The following TTC28 variants were observed in gnomAD, a reference collection of about 807,000 sequenced individuals.
The protein encoded by TTC28 is tetratricopeptide repeat domain 28.
A neutral mutation model predicts 198.0 loss-of-function variants in TTC28; 61 were observed. The observed-to-expected ratio is 0.31, with a 90% CI of 0.25 to 0.38. The LOEUF (loss-of-function observed/expected upper bound fraction) is 0.38, where lower values mean the gene tolerates loss of function less well. Ranked by LOEUF, TTC28 falls within the 10% of genes least tolerant of loss-of-function variation. The pLI, the probability that TTC28 is intolerant of heterozygous loss-of-function variation, is 1.00. For missense variants in TTC28, 2,678 were observed against 3,164.0 expected (o/e 0.85, Z 3.69); for synonymous variants, 1,171 against 1,297.8 (o/e 0.90, Z 2.10).
chr22:28,506,977 A>G (rs1308586276), intron 2 of TTC28, among the ~76,000 whole-genome samples: 1 of 152,214 alleles, frequency 6.6e-6, no homozygotes, highest in Admixed American at 6.5e-5. Context: ...AAAATACTGA[A>G]AACTCAAAAA....
chr22:28,325,846 C>A (rs566940544), intron 2 of TTC28, among the ~76,000 whole-genome samples: 1 of 152,122 alleles, frequency 6.6e-6, no homozygotes, highest in African/African-American at 2.4e-5. Context: ...AATGACAATA[C>A]CAAGTGCTAG....
chr22:28,361,538 A>C (rs5762568), intron 2 of TTC28, among the ~76,000 whole-genome samples: 12,976 of 152,224 alleles, frequency 0.085, 682 homozygotes, highest in Middle Eastern at 0.16. Context: ...ATGAGGTTTA[A>C]GGAAAAAAGC....
intron 6 of TTC28, among the ~76,000 whole-genome samples, chr22:28,126,797 G>A (rs1003401120): frequency 1.3e-5 from 2 of 152,318 alleles, no homozygotes; most frequent in African/African-American, 4.8e-5. Flanking sequence ...ACTTCTCAGA[G>A]CCCTTCATAT....
At chr22:28,462,454 T>C (rs1418536146) in intron 2 of TTC28, among the ~76,000 whole-genome samples, 2 of 152,310 alleles carry the variant, frequency 1.3e-5, no homozygotes, top group Admixed American at 1.3e-4. Context: ...GAATAAGTAA[T>C]GTGAGTGAGA....
intron 5 of TTC28, among the ~76,000 whole-genome samples, chr22:28,200,620 CTAGA>C (rs1481595751): frequency 6.6e-6 from 1 of 151,946 alleles, no homozygotes; most frequent in Non-Finnish European, 1.5e-5. Context: ...AATCGGAGGG[CTAGA>C]TAGATAGCTC....
chr22:28,371,726 CA>C (rs2145993160), intron 2 of TTC28, among the ~76,000 whole-genome samples: 1 of 143,892 alleles, frequency 6.9e-6, no homozygotes, highest in East Asian at 2.1e-4. Context: ...GGATTACAGG[CA>C]CCCATCACCA....
intron 4 of TTC28, among the ~76,000 whole-genome samples, chr22:28,297,103 A>G (rs187410668): frequency 6.2e-4 from 94 of 152,304 alleles, no homozygotes; most frequent in African/African-American, 2.2e-3. Context: ...GTTATTCCAC[A>G]TCTCTTGGCC....
chr22:27,986,846 C>CA (rs1490954609), intron 21 of TTC28, among the ~76,000 whole-genome samples: 1 of 152,228 alleles, frequency 6.6e-6, no homozygotes, highest in Non-Finnish European at 1.5e-5. Flanking sequence ...TGAAAGTAAA[C>CA]AGCCCCTGAA....
intron 1 of TTC28, among the ~76,000 whole-genome samples, chr22:28,641,253 A>C (rs1227727873): frequency 6.6e-6 from 1 of 151,912 alleles, no homozygotes; most frequent in African/African-American, 2.4e-5. Flanking sequence ...GAACCCAGGA[A>C]GTGGAAGTTG....
rs547173606 is a variant in TTC28 at position 28,207,243 on chromosome 22, A to AC, written c.934-43645_934-43644insG. ...CAGATGGAAAAAAAAAAAAAAGCAC[A>AC]AAAAAAAACAGGCCTTCAATAAATA... On this transcript the variant is annotated intron_variant, in intron 5 of 22. Transcript: ENST00000397906. 2.0e-3 allele frequency among the ~76,000 whole-genome samples: 168 copies of AC among 82,098 alleles called. 1 individual carries two copies. Among genetic ancestry groups the AC allele is most frequent in the Non-Finnish European group, 4.6e-3 (125 of 27,004 alleles). The allele number at this position is 82,098 out of a possible 152,430, so 53.9% of individuals were successfully genotyped here. A position where few individuals can be genotyped will look rare whatever the true frequency, so the allele number is the denominator to read the frequency against.
At chr22:28,399,281 T>C (rs1385850515) in intron 2 of TTC28, among the ~76,000 whole-genome samples, 1 of 150,686 alleles carries the variant, frequency 6.6e-6, no homozygotes, top group Non-Finnish European at 1.5e-5. Flanking sequence ...CTGAGCCCTA[T>C]CAAGTACAAT....
chr22:28,382,923 C>T (rs1450383998), intron 2 of TTC28, among the ~76,000 whole-genome samples: 1 of 152,166 alleles, frequency 6.6e-6, no homozygotes. Context: ...CCACCTTCAC[C>T]TAAATTCCTC....
chr22:28,166,498 A>G (rs1469116877), intron 5 of TTC28, among the ~76,000 whole-genome samples: 1 of 152,260 alleles, frequency 6.6e-6, no homozygotes, highest in Non-Finnish European at 1.5e-5. Context: ...CAATCAAACT[A>G]GAACTCAGGA....
At chr22:28,631,170 T>C (rs2051168178) in intron 1 of TTC28, among the ~76,000 whole-genome samples, 1 of 152,180 alleles carries the variant, frequency 6.6e-6, no homozygotes. Flanking sequence ...AAAATCAAAA[T>C]ATTAATCATA....
At position 27,996,126 on chromosome 22, in the gene TTC28, C is replaced by T. The variant is rs1230699663; in HGVS notation, c.5244+9G>A. On this transcript the variant is annotated intron_variant, in intron 17 of 22. Transcript: ENST00000397906. ...CTCTCGTTGAGTGCAGGGTGCCCGA[C>T]CCCCTTACCAGGTGCAGCAGCACTC... 1 of 1,546,980 alleles carries T rather than the reference C, an allele frequency of 6.5e-7. No individual in the cohort carries two copies. Among genetic ancestry groups the T allele is most frequent in the Non-Finnish European group, 8.7e-7 (1 of 1,146,408 alleles).
Position 28,279,760 on chromosome 22 carries a change from T to A in TTC28, c.933+16438A>T, listed in dbSNP as rs559776834. Among the ~76,000 whole-genome samples the A allele has an allele frequency of 3.3e-5, 5 of 152,288 alleles. No homozygotes were observed. In the South Asian group the frequency reaches 1.0e-3, roughly 32 times the overall value. On this transcript the variant is annotated intron_variant, in intron 5 of 22. Coordinates refer to ENST00000397906, the MANE Select transcript of TTC28 (RefSeq NM_001145418.2). ...TTCCCATCACCATATAAAGTACCCG[T>A]ATAGCTCTTCCTAGTCAAACCTGTC...
chr22:28,653,237 C>T (rs927840535), intron 1 of TTC28, among the ~76,000 whole-genome samples: 1 of 152,196 alleles, frequency 6.6e-6, no homozygotes, highest in Non-Finnish European at 1.5e-5. Context: ...AGCATGGTGG[C>T]TCATGCCTGT....
chr22:28,096,337 G>T lies in TTC28; in HGVS notation c.3619C>A (p.Arg1207=). The part of the protein sequence containing the change: ...TRAFADLLVE[R]QTGQQDSDPY... ...TCGGAGTCTTGTTGTCCTGTTTGTC[G>T]TTCCACCAGAAGATCAGCAAATGCC... Residue 1207 remains arginine, a synonymous_variant, in exon 11 of 23, where the codon CGA becomes AGA. Transcript: ENST00000397906. 6.4e-7 allele frequency: 1 copy of T among 1,551,976 alleles called. No individual in the cohort carries two copies. Among genetic ancestry groups the T allele is most frequent in the South Asian group, 1.2e-5 (1 of 84,054 alleles).
chr22:28,653,168 C>T (rs1809084549), intron 1 of TTC28, among the ~76,000 whole-genome samples: 1 of 152,094 alleles, frequency 6.6e-6, no homozygotes, highest in Admixed American at 6.6e-5. Flanking sequence ...CCATAAATTC[C>T]CTCTTTGGAG....
Sources: allele counts gnomAD v4.1 joint callset (sites outside exome capture counted in the v4.1 genomes callset), GRCh38; gene constraint gnomAD v4.1.1; transcripts MANE v1.5; gene names NCBI Gene and HGNC (gene_info 2026-07-23, HGNC 2026-07-21).